Variants in TMEM178B observed in about 807,000 individuals in gnomAD.
TMEM178B encodes transmembrane protein 178B.
In TMEM178B, 5 loss-of-function variants were observed where a neutral mutation model predicts 31.0. The ratio of observed to expected loss-of-function variants is 0.16; its 90% CI spans 0.08 to 0.34. The LOEUF is 0.34. TMEM178B is among the 10% of genes least tolerant of loss of function. The probability of loss-of-function intolerance (pLI) is 1.00; values close to 1 mark genes in which losing one functional copy is unlikely to be tolerated. For missense variants in TMEM178B, 275 were observed against 400.3 expected, an observed-to-expected ratio of 0.69 and a Z score of 2.67; for synonymous variants, 164 against 164.0, an observed-to-expected ratio of 1.00 and a Z score of 0.00.
intron 2 of TMEM178B, among the ~76,000 whole-genome samples, chr7:141,285,160 T>C (rs1586870307): frequency 7.2e-6 from 1 of 138,764 alleles, no homozygotes; most frequent in Non-Finnish European, 1.6e-5. Flanking sequence ...GTTTCTTTTT[T>C]TTTTTTTTTT....
chr7:141,488,078 TA>T, the TMEM178B span, among the ~76,000 whole-genome samples: 347 of 141,838 alleles, frequency 2.4e-3, 4 homozygotes, highest in African/African-American at 6.9e-3. Flanking sequence ...GGTTGGGACC[TA>T]AAAAAAAAAA....
At chr7:141,122,554 C>A (rs1003516787) in intron 1 of TMEM178B, among the ~76,000 whole-genome samples, 8 of 152,218 alleles carry the variant, frequency 5.3e-5, no homozygotes, top group African/African-American at 1.9e-4. Flanking sequence ...TCACCTCTAT[C>A]AGAGAGAGAC....
chr7:141,377,730 ATAAAT>A (rs1161347204), intron 2 of TMEM178B, among the ~76,000 whole-genome samples: 1 of 152,184 alleles, frequency 6.6e-6, no homozygotes, highest in Non-Finnish European at 1.5e-5. Flanking sequence ...CATATCAAAA[ATAAAT>A]TAAGATTTCA....
At chr7:141,113,995 T>C (rs1442036334) in intron 1 of TMEM178B, among the ~76,000 whole-genome samples, 2 of 152,212 alleles carry the variant, frequency 1.3e-5, no homozygotes, top group African/African-American at 2.4e-5. Flanking sequence ...GTTAAGGGCA[T>C]TTTAGTATGA....
chr7:141,403,276 C>G (rs1038186575), intron 2 of TMEM178B, among the ~76,000 whole-genome samples: 5 of 152,212 alleles, frequency 3.3e-5, no homozygotes, highest in Non-Finnish European at 7.3e-5. Flanking sequence ...CAGACCCTCT[C>G]TCTACTACTT....
intron 2 of TMEM178B, among the ~76,000 whole-genome samples, chr7:141,363,288 A>G (rs996356505): frequency 1.3e-5 from 2 of 152,210 alleles, no homozygotes; most frequent in African/African-American, 4.8e-5. Flanking sequence ...TTGAGAGCCA[A>G]AATATTTTGA....
intron 1 of TMEM178B, among the ~76,000 whole-genome samples, chr7:141,207,178 G>T (rs1421659352): frequency 6.6e-6 from 1 of 152,230 alleles, no homozygotes; most frequent in East Asian, 1.9e-4. Context: ...CATGGATACA[G>T]CTTTCCCTTA....
intron 2 of TMEM178B, among the ~76,000 whole-genome samples, chr7:141,284,832 C>T (rs1371938037): frequency 6.6e-6 from 1 of 152,032 alleles, no homozygotes; most frequent in Non-Finnish European, 1.5e-5. Flanking sequence ...TCAAGGATAT[C>T]AAGGGTTATT....
chr7:141,184,761 A>T (rs1796582120), intron 1 of TMEM178B, among the ~76,000 whole-genome samples: 1 of 152,158 alleles, frequency 6.6e-6, no homozygotes, highest in Non-Finnish European at 1.5e-5. Flanking sequence ...CCTCACTATG[A>T]TCTATTGTCC....
intron 2 of TMEM178B, among the ~76,000 whole-genome samples, chr7:141,261,021 A>G (rs1798003979): frequency 6.6e-6 from 1 of 152,252 alleles, no homozygotes; most frequent in South Asian, 2.1e-4. Flanking sequence ...TTGTAATAAT[A>G]TAAATGATAA....
chr7:141,220,218 C>T (rs1797232911), intron 2 of TMEM178B, among the ~76,000 whole-genome samples: 1 of 125,472 alleles, frequency 8.0e-6, no homozygotes, highest in South Asian at 2.7e-4. Context: ...GAGGCAGAGG[C>T]AGGAGAATTG....
At chr7:141,346,755 A>G (rs1799627051) in intron 2 of TMEM178B, among the ~76,000 whole-genome samples, 1 of 152,236 alleles carries the variant, frequency 6.6e-6, no homozygotes, top group Non-Finnish European at 1.5e-5. Context: ...TGTGGTACAC[A>G]CACAAACACA....
intron 2 of TMEM178B, among the ~76,000 whole-genome samples, chr7:141,356,814 C>T (rs1265788477): frequency 6.6e-6 from 1 of 151,938 alleles, no homozygotes; most frequent in Non-Finnish European, 1.5e-5. Flanking sequence ...GGCACTATGA[C>T]CTCATACCAT....
chr7:141,192,667 T>G (rs1392527462), intron 1 of TMEM178B, among the ~76,000 whole-genome samples: 1 of 152,246 alleles, frequency 6.6e-6, no homozygotes, highest in Admixed American at 6.5e-5. Context: ...GGTTTCACCA[T>G]GTTAGCCAGG....
intron 1 of TMEM178B, among the ~76,000 whole-genome samples, chr7:141,090,823 A>G (rs1346693306): frequency 6.6e-6 from 1 of 152,084 alleles, no homozygotes; most frequent in East Asian, 1.9e-4. Context: ...TATGTGAGAG[A>G]GTTTCACTCC....
intron 2 of TMEM178B, among the ~76,000 whole-genome samples, chr7:141,264,944 T>C (rs1798072878): frequency 6.6e-6 from 1 of 152,200 alleles, no homozygotes; most frequent in African/African-American, 2.4e-5. Flanking sequence ...CACTGTTACA[T>C]TATTTACCAA....
chr7:141,503,547 C>T, the TMEM178B span, among the ~76,000 whole-genome samples: 6 of 152,286 alleles, frequency 3.9e-5, no homozygotes, highest in Non-Finnish European at 5.9e-5. Flanking sequence ...TGAGGTCCTT[C>T]GTAGACTCTT....
the TMEM178B span, among the ~76,000 whole-genome samples, chr7:141,509,900 G>A: frequency 1.1e-4 from 16 of 152,214 alleles, no homozygotes; most frequent in African/African-American, 3.9e-4. Flanking sequence ...ACTAGAGGAT[G>A]TCTAAGGTCA....
chr7:141,491,379 G>C, the TMEM178B span, among the ~76,000 whole-genome samples: 103 of 152,150 alleles, frequency 6.8e-4, no homozygotes, highest in African/African-American at 2.3e-3. Flanking sequence ...TTGCCACCAT[G>C]TAGTTTATAT....
Sources: gnomAD v4.1 joint callset for allele counts (sites outside exome capture counted in the v4.1 genomes callset) on GRCh38, gnomAD v4.1.1 for gene constraint, MANE v1.5 for transcripts, NCBI Gene and HGNC (gene_info 2026-07-23, HGNC 2026-07-21) for gene names.